The following CIP2A variants were observed in gnomAD, a reference collection of about 807,000 sequenced individuals.
CIP2A encodes the protein cellular inhibitor of PP2A.
A neutral mutation model predicts 110.9 loss-of-function variants in CIP2A; 103 were observed. The ratio of observed to expected loss-of-function variants is 0.93; its 90% CI spans 0.79 to 1.09. The LOEUF (loss-of-function observed/expected upper bound fraction) is 1.09, where lower values mean the gene tolerates loss of function less well. Among genes scored for constraint, CIP2A ranks in the 50% least tolerant of loss-of-function variants. CIP2A has a pLI of 0.00. For synonymous variants in CIP2A, 381 were observed against 361.6 expected (o/e 1.05, Z -0.61); for missense variants, 1,088 against 1,038.4 (o/e 1.05, Z -0.66).
At chr3:108,564,889 GCTA>G (rs1025126710) in intron 12 of CIP2A, among the ~76,000 whole-genome samples, 5 of 151,810 alleles carry the variant, frequency 3.3e-5, no homozygotes, top group African/African-American at 1.2e-4. Context: ...ATCATATTCA[GCTA>G]CTATTATCAT....
chr3:108,575,965 T>C (rs74672428), intron 8 of CIP2A, among the ~76,000 whole-genome samples: 14 of 150,938 alleles, frequency 9.3e-5, no homozygotes, highest in Non-Finnish European at 1.6e-4. Context: ...TGTATATATA[T>C]GTGTACATAT....
chr3:108,579,200 TAAG>T (rs1429787531), intron 7 of CIP2A, 78 bp downstream of exon 7: 25 of 1,078,766 alleles, frequency 2.3e-5, no homozygotes, highest in Admixed American at 2.3e-4. Flanking sequence ...TATTATATTT[TAAG>T]AAGACAATTC....
In CIP2A at chr3:108,550,697, C is replaced by A. The variant is rs912667701; in HGVS notation, c.*452G>T. The stretch of plus-strand genomic sequence containing the variant: ...AAACTTCTCTAGCAGTAAAATCATA[C>A]CTTCTCTCTTTTTACTTTACTTTTT... On this transcript the variant is annotated 3_prime_UTR_variant, in exon 21 of 21. Transcript: ENST00000295746. The A allele has an allele frequency of 6.6e-6, 1 of 151,682 alleles. No individual in the cohort carries two copies. Among genetic ancestry groups the A allele is most frequent in the Admixed American group, 6.6e-5 (1 of 15,208 alleles). 9.4% of individuals were successfully genotyped at this position (151,682 alleles called of 1,614,324 possible). A position where few individuals can be genotyped will look rare whatever the true frequency, so the allele number is the denominator to read the frequency against.
At chr3:108,578,481 C>T (rs1354571183) in intron 7 of CIP2A, among the ~76,000 whole-genome samples, 1 of 145,170 alleles carries the variant, frequency 6.9e-6, no homozygotes, top group Non-Finnish European at 1.5e-5. Context: ...GTCAAGTTTG[C>T]CCTAGTGCTT....
At chr3:108,575,207 A>C (rs1938534164) in intron 8 of CIP2A, 2 of 152,106 alleles carry the variant, frequency 1.3e-5, no homozygotes, top group African/African-American at 4.8e-5. Flanking sequence ...GAAAGTCTAG[A>C]TAGAAAACGT....
intron 12 of CIP2A, 149 bp downstream of exon 12, chr3:108,565,206 T>A: frequency 1.9e-6 from 1 of 519,696 alleles, no homozygotes; most frequent in South Asian, 3.1e-5. Context: ...GAGACTATTA[T>A]AACTGCTTAA....
Position 108,559,741 on chromosome 3 carries a change from T to C in CIP2A, c.2013+16A>G, listed in dbSNP as rs372428082. The C allele has an allele frequency of 8.9e-6, 13 of 1,453,440 alleles. No homozygotes were observed. Among genetic ancestry groups the C allele is most frequent in the Middle Eastern group, 3.6e-4 (2 of 5,546 alleles). 90.0% of individuals were successfully genotyped at this position (1,453,440 alleles called of 1,614,324 possible). On this transcript the variant is annotated intron_variant, in intron 16 of 20. Coordinates refer to ENST00000295746, the MANE Select transcript of CIP2A (RefSeq NM_020890.3). The stretch of plus-strand genomic sequence containing the variant: ...AATTTTTCTACAAATCAGATGTGTC[T>C]TTATATTCTACACACCTCTGTTTCA...
At chr3:108,555,514 C>T (rs532514006) in intron 17 of CIP2A, among the ~76,000 whole-genome samples, 9 of 152,082 alleles carry the variant, frequency 5.9e-5, no homozygotes, top group Non-Finnish European at 1.3e-4. Context: ...TTCAGAGACC[C>T]GGACCCTCAT....
Position 108,568,227 on chromosome 3 carries a change from C to A in CIP2A, c.1201G>T (p.Glu401Ter). Residue 401 changes from glutamate to a stop codon, truncating the protein, a stop_gained, in exon 10 of 21, where the codon GAA (glutamate) becomes TAA (stop). Transcript: ENST00000295746. LOFTEE classifies it high-confidence loss of function. ...GTTAAAGCCTCATCTAGATTTTGTT[C>A]TGTGAACTGAAGTTGATCAAGGATT... is the stretch of plus-strand genomic sequence containing the variant. The part of the protein sequence containing the change: ...PTILDQLQFT[E>*]QNLDEALTRK... The A allele has an allele frequency of 6.2e-7, 1 of 1,612,312 alleles. No individual in the cohort carries two copies. The highest frequency in any genetic ancestry group is 8.5e-7 in the Non-Finnish European group (1 of 1,178,818).
chr3:108,561,887 A>G (rs1425648708), intron 13 of CIP2A, among the ~76,000 whole-genome samples: 1 of 152,148 alleles, frequency 6.6e-6, no homozygotes, highest in African/African-American at 2.4e-5. Context: ...AAGGCCTCAC[A>G]CACAGAGGCA....
Position 108,557,225 on chromosome 3 carries a change from G to C in CIP2A, c.2203C>G (p.Leu735Val). The change falls in exon 17 of 21, where the codon CTT (leucine) becomes GTT (valine). Residue 735 changes from leucine to valine, a missense_variant. Coordinates refer to ENST00000295746, the MANE Select transcript of CIP2A (RefSeq NM_020890.3). ...AGATTTTACTTTATTTACCTCTGAA[G>C]AAGTTCCATGTAGGATTTTGTCAGT... Reference protein sequence around the residue: ...EILTKSYMELLQRNESTEKKN... With the variant: ...EILTKSYMELVQRNESTEKKN... The C allele has an allele frequency of 1.9e-6, 3 of 1,582,464 alleles. No individual in the cohort carries two copies. The highest frequency in any genetic ancestry group is 2.6e-6 in the Non-Finnish European group (3 of 1,157,508).
chr3:108,559,624 G>A (rs62266396), intron 16 of CIP2A, 133 bp downstream of exon 16: 107,494 of 467,224 alleles, frequency 0.23, 14,038 homozygotes, highest in East Asian at 0.46. Flanking sequence ...AGAATTTCAG[G>A]AAGAAGGAAG....
chr3:108,569,583 A>G lies in CIP2A; in HGVS notation c.919T>C (p.Cys307Arg), dbSNP rs781656372. The change falls in exon 9 of 21, where the codon TGT (cysteine) becomes CGT (arginine). Residue 307 changes from cysteine to arginine, a missense_variant. Physicochemically the swap from Cys to Arg is radical, Grantham distance 180 (BLOSUM62 -3). Transcript: ENST00000295746. ...SKVLELLLAFCSVTQLRHMLT... is the reference protein window; with the variant it reads ...SKVLELLLAFRSVTQLRHMLT... ...ATATGGCGCAGCTGAGTCACTGAAC[A>G]GAAGGCAAGAAGTAATTCTAAAACC... 36 of 1,612,336 alleles carry G rather than the reference A, an allele frequency of 2.2e-5. No individual in the cohort carries two copies. The highest frequency in any genetic ancestry group is 3.0e-5 in the Non-Finnish European group (35 of 1,179,048).
intron 8 of CIP2A, among the ~76,000 whole-genome samples, chr3:108,574,345 A>C (rs1938495969): frequency 6.6e-6 from 1 of 152,222 alleles, no homozygotes; most frequent in Admixed American, 6.5e-5. Flanking sequence ...AAAAGTGAAA[A>C]ATATCAACTG....
chr3:108,575,344 A>G (rs561423449), intron 8 of CIP2A, among the ~76,000 whole-genome samples: 3 of 148,966 alleles, frequency 2.0e-5, no homozygotes, highest in South Asian at 2.1e-4. Flanking sequence ...ATATATACAT[A>G]TACACACATG....
chr3:108,561,864 T>C (rs1576302362), intron 13 of CIP2A, among the ~76,000 whole-genome samples: 1 of 152,100 alleles, frequency 6.6e-6, no homozygotes, highest in East Asian at 1.9e-4. Flanking sequence ...CAAGACACAG[T>C]CAAAATGGTG....
chr3:108,551,200 G>A lies in CIP2A; in HGVS notation c.2667C>T (p.His889=), dbSNP rs768875603. 41 of 1,609,230 alleles carry A rather than the reference G, an allele frequency of 2.5e-5. No homozygotes were observed. In the South Asian group the frequency reaches 4.3e-4, roughly 17 times the overall value. ...NKHSHMIAMI[H]SLSGGKINPE... ...GATTTATTTTTCCACCACTTAAACTGTGGATCATTGCTATCATGTGGGAGT... is the reference window on the plus strand; with the variant it reads ...GATTTATTTTTCCACCACTTAAACTATGGATCATTGCTATCATGTGGGAGT... The change falls in exon 21 of 21, where the codon CAC becomes CAT. Residue 889 remains histidine, a synonymous_variant. Coordinates refer to ENST00000295746, the MANE Select transcript of CIP2A (RefSeq NM_020890.3).
chr3:108,586,959 T>G (rs893919143), intron 1 of CIP2A, among the ~76,000 whole-genome samples: 3 of 152,208 alleles, frequency 2.0e-5, no homozygotes, highest in Non-Finnish European at 2.9e-5. Flanking sequence ...CTCGCTCTCA[T>G]GAAGTCTGTA....
In CIP2A at chr3:108,582,995, A is replaced by G; in HGVS notation, c.339T>C (p.Thr113=). The G allele has an allele frequency of 1.2e-6, 2 of 1,609,122 alleles. No individual in the cohort carries two copies. Among genetic ancestry groups the G allele is most frequent in the Non-Finnish European group, 1.7e-6 (2 of 1,176,978 alleles). Residue 113 remains threonine, a synonymous_variant, in exon 3 of 21, where the codon ACT becomes ACC. Transcript: ENST00000295746. The part of the protein sequence containing the change: ...LAGVVCRSSH[T]DSVFLQCIQL... ...TGTATACCTGCAAAAACACCGAATC[A>G]GTGTGGCTGCTCCGACAAACCACTC... is the stretch of plus-strand genomic sequence containing the variant.
Sources: gnomAD v4.1 joint callset for allele counts (sites outside exome capture counted in the v4.1 genomes callset) on GRCh38, gnomAD v4.1.1 for gene constraint, MANE v1.5 for transcripts, NCBI Gene and HGNC (gene_info 2026-07-23, HGNC 2026-07-21) for gene names.